ATG10: variants seen among roughly 807,000 people sequenced by gnomAD.
ATG10 encodes ubiquitin-like-conjugating enzyme ATG10.
In ATG10, 30 loss-of-function variants were observed where a neutral mutation model predicts 32.1. That is an observed-to-expected ratio of 0.94 (90% CI 0.70 to 1.27). The LOEUF (loss-of-function observed/expected upper bound fraction) is 1.27, where lower values mean the gene tolerates loss of function less well. Among genes scored for constraint, ATG10 ranks in the 50% most tolerant of loss-of-function variants. The pLI, the probability that ATG10 is intolerant of heterozygous loss-of-function variation, is 0.00. For missense variants in ATG10, 233 were observed against 262.3 expected (o/e 0.89, Z 0.77); for synonymous variants, 87 against 91.5 (o/e 0.95, Z 0.28).
intron 3 of ATG10, among the ~76,000 whole-genome samples, chr5:82,064,613 AAAATAATAC>A (rs1215090255): frequency 1.3e-5 from 2 of 152,138 alleles, no homozygotes; most frequent in Non-Finnish European, 2.9e-5. Context: ...TAATTCCCCC[AAAATAATAC>A]TTATCATGGT....
intron 2 of ATG10, among the ~76,000 whole-genome samples, chr5:82,007,818 T>C (rs1317362396): frequency 6.6e-6 from 1 of 152,134 alleles, no homozygotes; most frequent in Non-Finnish European, 1.5e-5. Context: ...GTGTCATATA[T>C]ATATATGCAC....
At chr5:82,233,718 C>T (rs529242748) in intron 5 of ATG10, among the ~76,000 whole-genome samples, 1 of 152,160 alleles carries the variant, frequency 6.6e-6, no homozygotes, top group African/African-American at 2.4e-5. Flanking sequence ...CTGCCCTCAA[C>T]TTCCTTACCT....
chr5:82,244,684 G>A (rs1400189370), intron 5 of ATG10, among the ~76,000 whole-genome samples: 1 of 152,126 alleles, frequency 6.6e-6, no homozygotes, highest in Non-Finnish European at 1.5e-5. Flanking sequence ...AGAAAATTAA[G>A]AAATGAACCA....
chr5:82,167,234 T>G (rs1304765898), intron 4 of ATG10, among the ~76,000 whole-genome samples: 1 of 152,210 alleles, frequency 6.6e-6, no homozygotes, highest in African/African-American at 2.4e-5. Flanking sequence ...CAATTTGTAC[T>G]ATAGCAGAAA....
chr5:82,013,591 A>G (rs955754048), intron 2 of ATG10, among the ~76,000 whole-genome samples: 2 of 152,202 alleles, frequency 1.3e-5, no homozygotes, highest in Admixed American at 1.3e-4. Context: ...CACGTTTTCC[A>G]TAGTGGTTGT....
chr5:82,158,361 C>G (rs1420865646), intron 3 of ATG10, among the ~76,000 whole-genome samples: 2 of 151,304 alleles, frequency 1.3e-5, no homozygotes, highest in African/African-American at 2.4e-5. Context: ...CCCCCGCCCC[C>G]CATCTCTGTG....
chr5:82,057,464 A>G (rs1415333882), intron 2 of ATG10, among the ~76,000 whole-genome samples: 1 of 152,050 alleles, frequency 6.6e-6, no homozygotes, highest in Non-Finnish European at 1.5e-5. Flanking sequence ...TAGCTCCTAG[A>G]TGCACCGCTC....
intron 2 of ATG10, among the ~76,000 whole-genome samples, chr5:82,037,947 T>C (rs1389444329): frequency 1.3e-5 from 2 of 152,214 alleles, no homozygotes; most frequent in Non-Finnish European, 2.9e-5. Context: ...TACATTTCTC[T>C]TATTTTTAAA....
intron 3 of ATG10, among the ~76,000 whole-genome samples, chr5:82,097,593 C>T (rs1765111527): frequency 6.6e-6 from 1 of 152,126 alleles, no homozygotes; most frequent in Non-Finnish European, 1.5e-5. Flanking sequence ...AGTCATTTTC[C>T]ATTGTATTAT....
At chr5:82,187,961 G>A (rs1358028260) in intron 5 of ATG10, among the ~76,000 whole-genome samples, 1 of 152,114 alleles carries the variant, frequency 6.6e-6, no homozygotes, top group East Asian at 1.9e-4. Context: ...AATGCATATT[G>A]AATGCTATTT....
chr5:82,155,860 T>C (rs552928872), intron 3 of ATG10, among the ~76,000 whole-genome samples: 2 of 152,292 alleles, frequency 1.3e-5, no homozygotes, highest in South Asian at 4.2e-4. Context: ...CAAAATTTAT[T>C]CCTTTTTGGC....
intron 2 of ATG10, among the ~76,000 whole-genome samples, chr5:82,041,100 T>A (rs1763070716): frequency 6.6e-6 from 1 of 152,216 alleles, no homozygotes; most frequent in Non-Finnish European, 1.5e-5. Context: ...TTCAGTGCAC[T>A]TATCACTATG....
intron 3 of ATG10, among the ~76,000 whole-genome samples, chr5:82,128,134 T>G (rs533724931): frequency 1.2e-4 from 18 of 152,234 alleles, no homozygotes; most frequent in African/African-American, 4.1e-4. Context: ...TGCCTTCCAT[T>G]TGCTTGGTAA....
At chr5:82,198,807 C>T (rs1744956704) in intron 5 of ATG10, among the ~76,000 whole-genome samples, 1 of 152,224 alleles carries the variant, frequency 6.6e-6, no homozygotes, top group Admixed American at 6.5e-5. Context: ...CACATTGACT[C>T]TTCTGAAGAC....
intron 4 of ATG10, among the ~76,000 whole-genome samples, chr5:82,172,301 GAGTCAGAAAACTTT>G (rs1743839404): frequency 6.6e-6 from 1 of 152,150 alleles, no homozygotes; most frequent in Admixed American, 6.5e-5. Context: ...GCATGGTCTA[GAGTCAGAAAACTTT>G]AGTTCTGATT....
intron 3 of ATG10, among the ~76,000 whole-genome samples, chr5:82,099,219 T>C (rs1765176340): frequency 6.6e-6 from 1 of 152,166 alleles, no homozygotes; most frequent in South Asian, 2.1e-4. Flanking sequence ...ATGGATGTGG[T>C]TTGTCCCTAT....
chr5:82,229,792 A>T (rs936017111), intron 5 of ATG10, among the ~76,000 whole-genome samples: 1 of 152,180 alleles, frequency 6.6e-6, no homozygotes, highest in Admixed American at 6.6e-5. Context: ...GCCACTTTAC[A>T]TAAGGGACTT....
intron 3 of ATG10, among the ~76,000 whole-genome samples, chr5:82,100,005 T>G (rs6884853): frequency 0.16 from 18,317 of 112,880 alleles, 2,030 homozygotes; most frequent in Non-Finnish European, 0.23. Flanking sequence ...TCTGTGTTTT[T>G]TTTTTTTTTT....
chr5:82,128,454 A>C lies in ATG10; in HGVS notation c.217-35945A>C, dbSNP rs557740113. 1.8e-3 allele frequency among the ~76,000 whole-genome samples: 268 copies of C among 151,870 alleles called. 2 individuals are homozygous for C. The highest frequency in any genetic ancestry group is 5.9e-3 in the African/African-American group (243 of 41,466). ...TTTTTCCTTTCCATATTTAGTGCTT[A>C]CTTCAGGAGCTCTTGTAAGGCAGGC... On this transcript the variant is annotated intron_variant, in intron 3 of 7. Coordinates refer to ENST00000282185, the MANE Select transcript of ATG10 (RefSeq NM_031482.5).
Sources: allele counts gnomAD v4.1 joint callset (sites outside exome capture counted in the v4.1 genomes callset), GRCh38; gene constraint gnomAD v4.1.1; transcripts MANE v1.5; gene names NCBI Gene and HGNC (gene_info 2026-07-23, HGNC 2026-07-21).